The following HDAC9 variants were observed in gnomAD, a reference collection of about 807,000 sequenced individuals.
HDAC9 encodes MEF-2 interacting transcription repressor (MITR) protein.
Under a neutral mutation model 139.4 loss-of-function variants are expected in HDAC9, and 41 were observed. The observed-to-expected ratio is 0.29, with a 90% CI of 0.23 to 0.38. HDAC9 has a LOEUF of 0.38. Ranked by LOEUF, HDAC9 falls within the 10% of genes least tolerant of loss-of-function variation. The pLI is 1.00. For synonymous variants in HDAC9, 517 were observed against 476.2 expected, an observed-to-expected ratio of 1.09 and a Z score of -1.12; for missense variants, 1,147 against 1,297.0, an observed-to-expected ratio of 0.88 and a Z score of 1.78.
intron 1 of HDAC9, among the ~76,000 whole-genome samples, chr7:18,434,176 TATAATATATGGCACTGG>T (rs1790953215): frequency 6.6e-6 from 1 of 152,186 alleles, no homozygotes; most frequent in Non-Finnish European, 1.5e-5. Flanking sequence ...ATGATTCCTA[TATAATATATGGCACTGG>T]AGGAACTAGC....
intron 13 of HDAC9, among the ~76,000 whole-genome samples, chr7:18,744,539 G>T (rs1179479434): frequency 2.0e-5 from 3 of 152,112 alleles, no homozygotes; most frequent in Admixed American, 6.5e-5. Context: ...GAAGTTGAAT[G>T]TTAGGAACTA....
intron 1 of HDAC9, among the ~76,000 whole-genome samples, chr7:18,340,069 T>C (rs1041163465): frequency 5.9e-5 from 9 of 151,562 alleles, no homozygotes; most frequent in Non-Finnish European, 1.2e-4. Context: ...GTTTGGAACC[T>C]TTTTTATTAG....
At chr7:18,566,027 A>G (rs1822227183) in intron 2 of HDAC9, among the ~76,000 whole-genome samples, 1 of 152,198 alleles carries the variant, frequency 6.6e-6, no homozygotes, top group Non-Finnish European at 1.5e-5. Flanking sequence ...ACTGTATAGT[A>G]AAAACTTTTT....
At chr7:18,153,591 G>A (rs1174011668) in intron 1 of HDAC9, among the ~76,000 whole-genome samples, 1 of 152,156 alleles carries the variant, frequency 6.6e-6, no homozygotes, top group African/African-American at 2.4e-5. Flanking sequence ...AAGGTGGGGA[G>A]GGTTGCAAAG....
intron 25 of HDAC9, among the ~76,000 whole-genome samples, chr7:18,980,515 G>C (rs747092509): frequency 6.6e-6 from 1 of 152,112 alleles, no homozygotes; most frequent in Non-Finnish European, 1.5e-5. Context: ...ATTTCATAGA[G>C]TTGTGAGAAT....
intron 24 of HDAC9, among the ~76,000 whole-genome samples, chr7:18,972,950 A>G (rs1271469651): frequency 1.3e-5 from 2 of 152,198 alleles, no homozygotes; most frequent in Non-Finnish European, 2.9e-5. Flanking sequence ...TCTGCAATAT[A>G]CATAATTCTT....
intron 12 of HDAC9, among the ~76,000 whole-genome samples, chr7:18,723,150 T>G (rs1246009556): frequency 6.6e-6 from 1 of 152,198 alleles, no homozygotes. Context: ...TTGGTTATTT[T>G]GTGTTGTGAT....
intron 1 of HDAC9, among the ~76,000 whole-genome samples, chr7:18,335,079 G>A (rs1781486819): frequency 6.6e-6 from 1 of 151,438 alleles, no homozygotes; most frequent in Admixed American, 6.6e-5. Flanking sequence ...TGGGAAGCTG[G>A]GAGTGAGGGA....
chr7:18,705,767 C>T (rs570217681), intron 12 of HDAC9, among the ~76,000 whole-genome samples: 1 of 150,090 alleles, frequency 6.7e-6, no homozygotes, highest in Non-Finnish European at 1.5e-5. Context: ...GCAGGAGAAT[C>T]GCTTGAACCT....
intron 22 of HDAC9, 48 bp downstream of exon 22, chr7:18,874,644 T>A: frequency 1.9e-6 from 2 of 1,061,438 alleles, no homozygotes; most frequent in Non-Finnish European, 2.9e-6. Flanking sequence ...TATCATACCA[T>A]CTTTTAGGTC....
intron 1 of HDAC9, among the ~76,000 whole-genome samples, chr7:18,134,336 G>C (rs1027471005): frequency 1.3e-5 from 2 of 151,982 alleles, no homozygotes; most frequent in Admixed American, 1.3e-4. Flanking sequence ...TATTATTCAA[G>C]GACTGCTAGG....
chr7:18,317,617 T>C (rs1214297248), intron 1 of HDAC9, among the ~76,000 whole-genome samples: 2 of 152,210 alleles, frequency 1.3e-5, no homozygotes, highest in African/African-American at 4.8e-5. Flanking sequence ...TTGTTACTGA[T>C]GGCATGCCGT....
intron 11 of HDAC9, among the ~76,000 whole-genome samples, chr7:18,662,631 T>C (rs577509341): frequency 4.3e-4 from 65 of 152,118 alleles, no homozygotes; most frequent in African/African-American, 1.5e-3. Flanking sequence ...GATAGCTTCA[T>C]AAATGTGCTG....
rs58034239 is a variant in HDAC9, at chr7:18,869,147, G to GGTGTGTGTGTGT, written c.2685-5302_2685-5291dup. Among the ~76,000 whole-genome samples, 1,004 of 138,186 alleles carry GGTGTGTGTGTGT rather than the reference G, an allele frequency of 7.3e-3. 16 individuals carry two copies. Among genetic ancestry groups the GGTGTGTGTGTGT allele is most frequent in the African/African-American group, 0.026 (940 of 36,284 alleles). 90.7% of individuals were successfully genotyped at this position (138,186 alleles called of 152,430 possible). The stretch of plus-strand genomic sequence containing the variant: ...GGGAAATTCCTGGACTCACAATTGG[G>GGTGTGTGTGTGT]GTGTGTGTGTGTGTGTGTGTGTGTG... On this transcript the variant is annotated intron_variant, in intron 21 of 25. Transcript: ENST00000686413.
intron 12 of HDAC9, among the ~76,000 whole-genome samples, chr7:18,700,138 T>A (rs1783355631): frequency 6.6e-6 from 1 of 152,140 alleles, no homozygotes; most frequent in Non-Finnish European, 1.5e-5. Flanking sequence ...ATGTCTCCCT[T>A]TTGGAGAGGT....
intron 1 of HDAC9, among the ~76,000 whole-genome samples, chr7:18,324,475 T>C (rs1393639360): frequency 6.6e-6 from 1 of 152,292 alleles, no homozygotes; most frequent in East Asian, 1.9e-4. Context: ...TTCATAATGT[T>C]AACTTTCTAC....
intron 13 of HDAC9, among the ~76,000 whole-genome samples, chr7:18,731,817 G>T (rs1786077621): frequency 6.6e-6 from 1 of 151,986 alleles, no homozygotes; most frequent in African/African-American, 2.4e-5. Flanking sequence ...GTAGAGACGG[G>T]GTTTCTCCAT....
chr7:18,905,412 A>T (rs572139826), intron 22 of HDAC9, among the ~76,000 whole-genome samples: 2 of 152,224 alleles, frequency 1.3e-5, no homozygotes, highest in African/African-American at 4.8e-5. Flanking sequence ...CTTCACGTAG[A>T]TTTTTGAAAG....
intron 1 of HDAC9, among the ~76,000 whole-genome samples, chr7:18,149,808 C>A (rs529606213): frequency 1.1e-4 from 17 of 152,228 alleles, no homozygotes; most frequent in African/African-American, 4.1e-4. Context: ...CCCGCCTTGG[C>A]CTCCCAAAGT....
Sources: gnomAD v4.1 joint callset for allele counts (sites outside exome capture counted in the v4.1 genomes callset) on GRCh38, gnomAD v4.1.1 for gene constraint, MANE v1.5 for transcripts, NCBI Gene and HGNC (gene_info 2026-07-23, HGNC 2026-07-21) for gene names.